RBFOX1: variants seen among roughly 807,000 people sequenced by gnomAD.
RBFOX1 encodes the protein RNA binding protein fox-1 homolog 1.
A neutral mutation model predicts 57.7 loss-of-function variants in RBFOX1; 8 were observed. The observed-to-expected ratio is 0.14, with a 90% CI of 0.08 to 0.25. The LOEUF is 0.25. Among genes scored for constraint, RBFOX1 ranks in the 10% least tolerant of loss-of-function variants. The pLI is 1.00. For synonymous variants in RBFOX1, 326 were observed against 222.4 expected (o/e 1.47, Z -4.15); for missense variants, 611 against 548.5 (o/e 1.11, Z -1.14).
intron 4 of RBFOX1, among the ~76,000 whole-genome samples, chr16:7,492,043 G>T (rs1474031819): frequency 1.3e-5 from 2 of 152,060 alleles, no homozygotes; most frequent in Non-Finnish European, 2.9e-5. Flanking sequence ...AGAATCCTGT[G>T]TTCCATGCTT....
At position 7,037,111 on chromosome 16, in the gene RBFOX1, C is replaced by T. The variant is rs561703270; in HGVS notation, c.-15-14946C>T. ...TTTTGGCTGGCTTCTTTACTGCAAA[C>T]TGTTCTATCAGCAAGGTCCTTACGA... On this transcript the variant is annotated intron_variant, in intron 3 of 15. Transcript: ENST00000550418. Among the ~76,000 whole-genome samples, 3 of 151,972 alleles carry T rather than the reference C, an allele frequency of 2.0e-5. No individual in the cohort carries two copies. The East Asian group carries it at 5.8e-4, about 30-fold the overall frequency.
intron 4 of RBFOX1, among the ~76,000 whole-genome samples, chr16:7,358,398 G>C (rs2097257886): frequency 2.6e-5 from 4 of 151,984 alleles, no homozygotes. Context: ...TAAGACTTAA[G>C]TATTTTTGTG....
intron 4 of RBFOX1, among the ~76,000 whole-genome samples, chr16:7,119,408 C>G (rs747675724): frequency 2.0e-5 from 3 of 152,074 alleles, no homozygotes; most frequent in South Asian, 2.1e-4. Flanking sequence ...AACGAGCTAT[C>G]TTAAGGAAAC....
chr16:6,918,668 C>T (rs1249554275), intron 3 of RBFOX1, among the ~76,000 whole-genome samples: 1 of 152,126 alleles, frequency 6.6e-6, no homozygotes, highest in African/African-American at 2.4e-5. Flanking sequence ...GTGTCCTACC[C>T]AATGGGCATA....
intron 3 of RBFOX1, among the ~76,000 whole-genome samples, chr16:6,772,327 AC>A (rs1001986696): frequency 6.6e-6 from 1 of 152,200 alleles, no homozygotes; most frequent in African/African-American, 2.4e-5. Flanking sequence ...TTGTGCTCAA[AC>A]AGTGAGCTAT....
intron 4 of RBFOX1, among the ~76,000 whole-genome samples, chr16:7,194,877 G>A (rs1047729154): frequency 1.1e-4 from 16 of 146,938 alleles, no homozygotes; most frequent in Non-Finnish European, 1.8e-4. Context: ...GCTGTGAGCC[G>A]AGATTGTGCC....
chr16:6,894,586 C>A (rs114603506), intron 3 of RBFOX1, among the ~76,000 whole-genome samples: 6 of 152,174 alleles, frequency 3.9e-5, no homozygotes. Flanking sequence ...ACACTTGCCC[C>A]ATTTGGGGTT....
intron 1 of RBFOX1, among the ~76,000 whole-genome samples, chr16:6,083,341 C>T (rs932652126): frequency 3.0e-4 from 45 of 152,148 alleles, no homozygotes; most frequent in African/African-American, 9.9e-4. Context: ...GCTTTATTAG[C>T]TGTAGTCACA....
intron 1 of RBFOX1, among the ~76,000 whole-genome samples, chr16:5,293,508 A>G (rs1596421664): frequency 6.6e-6 from 1 of 152,304 alleles, no homozygotes; most frequent in African/African-American, 2.4e-5. Context: ...AGATGAGACA[A>G]TACCAAGGCT....
At chr16:7,556,972 C>G (rs532654186) in intron 5 of RBFOX1, among the ~76,000 whole-genome samples, 8 of 152,178 alleles carry the variant, frequency 5.3e-5, no homozygotes, top group South Asian at 2.1e-4. Context: ...TTAACAACAA[C>G]GACATCCTCC....
intron 14 of RBFOX1, among the ~76,000 whole-genome samples, chr16:7,708,830 A>ATGTGTATG (rs997878424): frequency 4.0e-5 from 6 of 151,786 alleles, no homozygotes; most frequent in East Asian, 1.9e-4. Flanking sequence ...ACGTGTGTAT[A>ATGTGTATG]TATGTATTTA....
chr16:6,616,435 A>G (rs11864958), intron 2 of RBFOX1, among the ~76,000 whole-genome samples: 76,771 of 151,186 alleles, frequency 0.51, 19,797 homozygotes, highest in Admixed American at 0.54. Context: ...CCAACACTTC[A>G]GGAGGCCGAG....
intron 4 of RBFOX1, among the ~76,000 whole-genome samples, chr16:7,465,628 C>G (rs962834595): frequency 6.6e-6 from 1 of 152,150 alleles, no homozygotes; most frequent in African/African-American, 2.4e-5. Flanking sequence ...CAGGAATATG[C>G]TGTCTGCTTT....
chr16:5,439,678 C>T (rs1412740396), intron 1 of RBFOX1, among the ~76,000 whole-genome samples: 1 of 152,102 alleles, frequency 6.6e-6, no homozygotes, highest in African/African-American at 2.4e-5. Context: ...CTCCTGGCCT[C>T]AAGTGATTCA....
chr16:7,036,877 C>T (rs892567951), intron 3 of RBFOX1, among the ~76,000 whole-genome samples: 3 of 152,140 alleles, frequency 2.0e-5, no homozygotes, highest in Non-Finnish European at 4.4e-5. Flanking sequence ...GGATGATGAG[C>T]CCCTTGGGGC....
intron 1 of RBFOX1, among the ~76,000 whole-genome samples, chr16:6,230,105 C>T (rs2152900960): frequency 6.6e-6 from 1 of 152,102 alleles, no homozygotes; most frequent in Non-Finnish European, 1.5e-5. Context: ...ATTTTTACTC[C>T]ATCTTCTTCT....
At chr16:6,976,274 C>T (rs76997240) in intron 3 of RBFOX1, among the ~76,000 whole-genome samples, 1 of 152,102 alleles carries the variant, frequency 6.6e-6, no homozygotes, top group Non-Finnish European at 1.5e-5. Context: ...CTCACCTGTA[C>T]TGAGAACAAG....
At chr16:6,473,683 C>G (rs1369198734) in intron 2 of RBFOX1, among the ~76,000 whole-genome samples, 1 of 152,050 alleles carries the variant, frequency 6.6e-6, no homozygotes, top group East Asian at 1.9e-4. Context: ...TCCTCACTTG[C>G]ATTTTGCCAG....
At chr16:5,567,635 CAAAAAAAAAAA>C (rs34858401) in intron 2 of RBFOX1, among the ~76,000 whole-genome samples, 2 of 63,160 alleles carry the variant, frequency 3.2e-5, no homozygotes, top group South Asian at 9.3e-4. Flanking sequence ...AGGTTATAGG[CAAAAAAAAAAA>C]AAAAAAAAAA....
Sources: gnomAD v4.1 joint callset for allele counts (sites outside exome capture counted in the v4.1 genomes callset) on GRCh38, gnomAD v4.1.1 for gene constraint, MANE v1.5 for transcripts, NCBI Gene and HGNC (gene_info 2026-07-23, HGNC 2026-07-21) for gene names.